Variants in C19orf38 observed in about 807,000 individuals in gnomAD.
The protein encoded by C19orf38 is protein HIDE1.
In C19orf38, 14 loss-of-function variants were observed where a neutral mutation model predicts 26.6. That is an observed-to-expected ratio of 0.53 (90% confidence interval 0.35 to 0.82). The LOEUF is 0.82. C19orf38 is among the 40% of genes least tolerant of loss of function. C19orf38 has a pLI of 0.01. For missense variants in C19orf38, 261 were observed against 299.5 expected (o/e 0.87, Z 0.95); for synonymous variants, 132 against 128.5 (o/e 1.03, Z -0.18).
At chr19:10,845,446 T>C (rs150015052), upstream of C19orf38, among the ~76,000 whole-genome samples, 137 of 152,262 alleles carry the variant, frequency 9.0e-4, no homozygotes, top group African/African-American at 2.7e-3. Context: ...AACACACATA[T>C]TCTCTGGATC....
At chr19:10,863,499 TCA>T (rs2073723795) in intron 6 of C19orf38, among the ~76,000 whole-genome samples, 1 of 152,128 alleles carries the variant, frequency 6.6e-6, no homozygotes, top group Admixed American at 6.6e-5. Flanking sequence ...GCCTTTGGTC[TCA>T]GTCATGACAG....
chr19:10,864,572 G>A (rs769886938), intron 6 of C19orf38, among the ~76,000 whole-genome samples: 1 of 152,172 alleles, frequency 6.6e-6, no homozygotes, highest in Non-Finnish European at 1.5e-5. Context: ...ACCGGATTCA[G>A]GTGCACACAG....
At chr19:10,858,426 C>T (rs1288324670) in intron 4 of C19orf38, 83 bp downstream of exon 4, 1 of 1,300,656 alleles carries the variant, frequency 7.7e-7, no homozygotes, top group Non-Finnish European at 1.1e-6. Flanking sequence ...TCCATGCCCC[C>T]CACAAACAGC....
At chr19:10,860,623 C>T (rs868817006) in intron 5 of C19orf38, among the ~76,000 whole-genome samples, 14 of 147,954 alleles carry the variant, frequency 9.5e-5, no homozygotes, top group Non-Finnish European at 1.5e-4. Context: ...GGGCGGATCA[C>T]GAGGTCAGGA....
At chr19:10,842,943 G>A (rs575995003) in intron 1 of C19orf38, among the ~76,000 whole-genome samples, 3 of 152,316 alleles carry the variant, frequency 2.0e-5, no homozygotes, top group African/African-American at 7.2e-5. Flanking sequence ...CTCTTGTCCT[G>A]CATCCAAGAA....
At chr19:10,858,218 A>G (rs1389053905) in intron 3 of C19orf38, 98 bp from the exon 4 acceptor site, 2 of 1,049,198 alleles carry the variant, frequency 1.9e-6, no homozygotes, top group African/African-American at 3.7e-5. Flanking sequence ...AAAGAATGAG[A>G]CTCTGTCTAA....
At chr19:10,865,816 C>T (rs112806148) in intron 6 of C19orf38, among the ~76,000 whole-genome samples, 2 of 151,936 alleles carry the variant, frequency 1.3e-5, no homozygotes, top group African/African-American at 4.8e-5. Context: ...CCACCACCCC[C>T]GCCAATTTTT....
chr19:10,869,212 A>G lies in C19orf38; in HGVS notation c.544-6A>G. The G allele has an allele frequency of 6.4e-7, 1 of 1,551,646 alleles. No homozygotes were observed. On this transcript the variant is annotated splice_polypyrimidine_tract_variant and splice_region_variant and intron_variant, in intron 6 of 6. Transcript: ENST00000397820. The stretch of plus-strand genomic sequence containing the variant: ...CACTTCTGTGTTTCTTCTTACATGG[A>G]CAAAGAAAACGATGCCAGAAGAAGA...
At chr19:10,838,177 A>G (rs904663221) in intron 1 of C19orf38, among the ~76,000 whole-genome samples, 13 of 152,310 alleles carry the variant, frequency 8.5e-5, no homozygotes, top group African/African-American at 2.6e-4. Context: ...TTTGGAGGCC[A>G]AGGCAGGCGG....
upstream of C19orf38, among the ~76,000 whole-genome samples, chr19:10,844,994 A>AAAAAAAAAAAAG: frequency 8.9e-6 from 1 of 112,176 alleles, no homozygotes; most frequent in Admixed American, 8.5e-5. Context: ...CTTTCTCTAC[A>AAAAAAAAAAAAG]AAAAAAAAAA....
At chr19:10,840,860 C>G (rs1435973057) in intron 1 of C19orf38, among the ~76,000 whole-genome samples, 1 of 152,242 alleles carries the variant, frequency 6.6e-6, no homozygotes, top group Non-Finnish European at 1.5e-5. Context: ...GTCTCGAACT[C>G]CTGACCTCAA....
chr19:10,853,892 G>T (rs923441946), intron 2 of C19orf38, among the ~76,000 whole-genome samples: 1 of 150,054 alleles, frequency 6.7e-6, no homozygotes, highest in African/African-American at 2.5e-5. Flanking sequence ...TACCCCGTCC[G>T]GCTAATGTTT....
upstream of C19orf38, among the ~76,000 whole-genome samples, chr19:10,843,998 A>G (rs1174240136): frequency 6.6e-6 from 1 of 152,014 alleles, no homozygotes. Flanking sequence ...CTGTAATCCC[A>G]GCTACTCAGG....
chr19:10,856,272 T>C lies in C19orf38; in HGVS notation c.348T>C (p.Thr116=), dbSNP rs1241857289. The C allele has an allele frequency of 6.4e-7, 1 of 1,550,766 alleles. No homozygotes were observed. Among genetic ancestry groups the C allele is most frequent in the Admixed American group, 2.0e-5 (1 of 50,950 alleles). Residue 116 remains threonine, a synonymous_variant, in exon 3 of 7, where the codon ACT becomes ACC. Transcript: ENST00000397820. ...EPVNVSFPVP[T]WILVLSLSLA... is the part of the protein sequence containing the mutation. ...TTTCTGATTTTCCTCCAGTGCCCAC[T>C]TGGATCTTGGTGCTCTCCCTGAGCC... is the stretch of plus-strand genomic sequence containing the variant.
intron 1 of C19orf38, among the ~76,000 whole-genome samples, chr19:10,849,096 TCTCA>T (rs1423056566): frequency 6.6e-6 from 1 of 151,524 alleles, no homozygotes; most frequent in Non-Finnish European, 1.5e-5. Context: ...CTGCCCTCCC[TCTCA>T]CTCACCCCCT....
chr19:10,842,886 C>T (rs1368588584), intron 1 of C19orf38, among the ~76,000 whole-genome samples: 1 of 152,248 alleles, frequency 6.6e-6, no homozygotes, highest in Non-Finnish European at 1.5e-5. Flanking sequence ...CCTGCCCACT[C>T]AGCCCACCTG....
intron 2 of C19orf38, among the ~76,000 whole-genome samples, chr19:10,850,798 G>C (rs2073565007): frequency 6.6e-6 from 1 of 152,158 alleles, no homozygotes; most frequent in Non-Finnish European, 1.5e-5. Context: ...AGATCCAGGT[G>C]CTGAAAGCTG....
At chr19:10,846,782 G>A (rs2073521863), upstream of C19orf38, among the ~76,000 whole-genome samples, 1 of 152,212 alleles carries the variant, frequency 6.6e-6, no homozygotes, top group Admixed American at 6.6e-5. Context: ...ATTCCTTGAA[G>A]ATACAAGCAT....
At chr19:10,859,218 T>C (rs1201502903) in intron 4 of C19orf38, among the ~76,000 whole-genome samples, 2 of 149,500 alleles carry the variant, frequency 1.3e-5, no homozygotes, top group Admixed American at 1.3e-4. Flanking sequence ...ATTACAGGCA[T>C]CAGCCACCGT....
Sources: gnomAD v4.1 joint callset for allele counts (sites outside exome capture counted in the v4.1 genomes callset) on GRCh38, gnomAD v4.1.1 for gene constraint, MANE v1.5 for transcripts, NCBI Gene and HGNC (gene_info 2026-07-23, HGNC 2026-07-21) for gene names.